Variants in ZZZ3 observed in about 807,000 individuals in gnomAD.
The protein encoded by ZZZ3 is zinc finger ZZ-type containing 3.
In ZZZ3, 22 loss-of-function variants were observed where a neutral mutation model predicts 95.2. That is an observed-to-expected ratio of 0.23 (90% CI 0.17 to 0.33). The LOEUF (loss-of-function observed/expected upper bound fraction) is 0.33, where lower values mean the gene tolerates loss of function less well. ZZZ3 is among the 10% of genes least tolerant of loss of function. The pLI, the probability that ZZZ3 is intolerant of heterozygous loss-of-function variation, is 1.00. For missense variants in ZZZ3, 885 were observed against 1,066.5 expected (o/e 0.83, Z 2.37); for synonymous variants, 335 against 358.9 (o/e 0.93, Z 0.75).
chr1:77,671,263 T>C (rs375207680), intron 1 of ZZZ3, among the ~76,000 whole-genome samples: 1 of 152,184 alleles, frequency 6.6e-6, no homozygotes, highest in South Asian at 2.1e-4. Flanking sequence ...CAAATAAACA[T>C]TATTTTCTTT....
At position 77,632,501 on chromosome 1, in the gene ZZZ3, G is replaced by A; in HGVS notation, c.854C>T (p.Ala285Val). 6.2e-7 allele frequency: 1 copy of A among 1,614,164 alleles called. No individual in the cohort carries two copies. Among genetic ancestry groups the A allele is most frequent in the South Asian group, 1.1e-5 (1 of 91,084 alleles). Residue 285 changes from alanine to valine, a missense_variant, in exon 5 of 15, where the codon GCC becomes GTC. Ala to Val is a moderately conservative substitution (Grantham distance 64). Transcript: ENST00000370801. Reference protein sequence around the residue: ...VKLEDHKIVTACLPVEHVNQL... With the variant: ...VKLEDHKIVTVCLPVEHVNQL... ...ATTAACATGTTCCACAGGCAAGCAG[G>A]CAGTTACTATTTTGTGGTCCTCCAA...
intron 5 of ZZZ3, among the ~76,000 whole-genome samples, chr1:77,616,521 A>G (rs1557729167): frequency 2.0e-5 from 3 of 152,196 alleles, no homozygotes; most frequent in Non-Finnish European, 4.4e-5. Flanking sequence ...TTCCTTATTA[A>G]AAACAACAAT....
intron 1 of ZZZ3, among the ~76,000 whole-genome samples, chr1:77,647,622 C>T (rs1295520450): frequency 6.6e-6 from 1 of 151,946 alleles, no homozygotes; most frequent in Non-Finnish European, 1.5e-5. Flanking sequence ...GAGTTCTGAG[C>T]ATTTACTACC....
intron 5 of ZZZ3, among the ~76,000 whole-genome samples, chr1:77,594,703 T>G (rs1174121794): frequency 6.6e-6 from 1 of 151,670 alleles, no homozygotes; most frequent in Non-Finnish European, 1.5e-5. Context: ...AACACTTAAA[T>G]GAACACATAA....
chr1:77,573,190 G>A (rs1661582117), intron 12 of ZZZ3, among the ~76,000 whole-genome samples: 1 of 152,084 alleles, frequency 6.6e-6, no homozygotes. Flanking sequence ...TGCAATCCCA[G>A]CTCCTGGCAA....
intron 1 of ZZZ3, among the ~76,000 whole-genome samples, chr1:77,672,812 A>C (rs1671903872): frequency 6.6e-6 from 1 of 152,214 alleles, no homozygotes; most frequent in Non-Finnish European, 1.5e-5. Context: ...ATTTAGAAGT[A>C]ACTCTATAAC....
chr1:77,598,422 T>C (rs2100657873), intron 5 of ZZZ3, among the ~76,000 whole-genome samples: 1 of 152,224 alleles, frequency 6.6e-6, no homozygotes, highest in South Asian at 2.1e-4. Flanking sequence ...GGGTGTCAGA[T>C]GCAGGACAAA....
chr1:77,673,980 C>A (rs1672021243), intron 1 of ZZZ3, among the ~76,000 whole-genome samples: 1 of 138,836 alleles, frequency 7.2e-6, no homozygotes. Flanking sequence ...AATCCTGTAC[C>A]ATAGTTTTTA....
intron 5 of ZZZ3, among the ~76,000 whole-genome samples, chr1:77,595,788 G>A (rs1190686152): frequency 6.6e-6 from 1 of 152,024 alleles, no homozygotes; most frequent in Non-Finnish European, 1.5e-5. Flanking sequence ...AGAAAGCTAT[G>A]TAGCTGACGT....
At chr1:77,577,855 G>A (rs1441979131) in intron 11 of ZZZ3, among the ~76,000 whole-genome samples, 9 of 152,196 alleles carry the variant, frequency 5.9e-5, no homozygotes, top group African/African-American at 2.2e-4. Context: ...TCCTGACCTC[G>A]TGATCCACCC....
rs1452877394 is a variant in ZZZ3, at chr1:77,563,550, A to T, written c.*2090T>A. ...AATGGTTTGTCTATTCCATTTATAT[A>T]ACAATTGTATCACTCATATCCCTCT... On this transcript the variant is annotated 3_prime_UTR_variant, in exon 15 of 15. Transcript: ENST00000370801. 6.6e-6 allele frequency: 1 copy of T among 152,228 alleles called. No homozygotes were observed. Among genetic ancestry groups the T allele is most frequent in the East Asian group, 1.9e-4 (1 of 5,198 alleles). The allele number at this position is 152,228 out of a possible 1,614,324, so 9.4% of individuals were successfully genotyped here.
chr1:77,631,524 T>A (rs527951295), intron 5 of ZZZ3, among the ~76,000 whole-genome samples: 2 of 152,182 alleles, frequency 1.3e-5, no homozygotes, highest in Non-Finnish European at 2.9e-5. Flanking sequence ...AAGCATACTG[T>A]GGTAACTCAA....
At chr1:77,592,014 T>C (rs752481517) in intron 5 of ZZZ3, among the ~76,000 whole-genome samples, 18 of 152,054 alleles carry the variant, frequency 1.2e-4, no homozygotes, top group Non-Finnish European at 2.5e-4. Flanking sequence ...CCAAGATAGA[T>C]AGTCTCTCCC....
At chr1:77,571,391 T>C (rs1661371140) in intron 12 of ZZZ3, among the ~76,000 whole-genome samples, 1 of 152,214 alleles carries the variant, frequency 6.6e-6, no homozygotes, top group Non-Finnish European at 1.5e-5. Flanking sequence ...GAAAACAGTA[T>C]GGTGGTTCCT....
chr1:77,609,354 T>C (rs1665553236), intron 5 of ZZZ3, among the ~76,000 whole-genome samples: 1 of 152,222 alleles, frequency 6.6e-6, no homozygotes, highest in Middle Eastern at 3.4e-3. Context: ...TAGAAATATA[T>C]ATGCACTCAA....
chr1:77,654,189 A>T (rs1358318261), intron 1 of ZZZ3, among the ~76,000 whole-genome samples: 1 of 145,182 alleles, frequency 6.9e-6, no homozygotes, highest in Non-Finnish European at 1.6e-5. Context: ...CCATCTCAAA[A>T]AAAAAAAAAA....
intron 1 of ZZZ3, among the ~76,000 whole-genome samples, chr1:77,646,067 A>G (rs1037296985): frequency 6.6e-6 from 1 of 152,098 alleles, no homozygotes; most frequent in Non-Finnish European, 1.5e-5. Context: ...TAAATGAGTT[A>G]TGATACACCC....
chr1:77,587,816 C>T (rs1663254099), intron 5 of ZZZ3, among the ~76,000 whole-genome samples: 1 of 152,204 alleles, frequency 6.6e-6, no homozygotes, highest in South Asian at 2.1e-4. Context: ...GACAGCAATA[C>T]CAACCCCACC....
chr1:77,622,288 C>G (rs1270970029), intron 5 of ZZZ3, among the ~76,000 whole-genome samples: 1 of 147,420 alleles, frequency 6.8e-6, no homozygotes, highest in Non-Finnish European at 1.5e-5. Context: ...ACCTGGGTGA[C>G]AGAGTGAGAA....
Sources: gnomAD v4.1 joint callset for allele counts (sites outside exome capture counted in the v4.1 genomes callset) on GRCh38, gnomAD v4.1.1 for gene constraint, MANE v1.5 for transcripts, NCBI Gene and HGNC (gene_info 2026-07-23, HGNC 2026-07-21) for gene names.